Variants in TMEM132D observed in about 807,000 individuals in gnomAD.
TMEM132D encodes mature OL transmembrane protein.
TMEM132D carries 21 observed loss-of-function variants against 62.3 expected under a neutral mutation model. The observed-to-expected ratio is 0.34, with a 90% confidence interval of 0.24 to 0.49. TMEM132D has a LOEUF of 0.49. Among genes scored for constraint, TMEM132D ranks in the 20% least tolerant of loss-of-function variants. The probability of loss-of-function intolerance (pLI) is 0.99; values close to 1 mark genes in which losing one functional copy is unlikely to be tolerated. For synonymous variants in TMEM132D, 621 were observed against 575.6 expected (o/e 1.08, Z -1.13); for missense variants, 1,346 against 1,402.8 (o/e 0.96, Z 0.65).
chr12:129,793,107 TCTCA>T (rs901997822), intron 1 of TMEM132D, among the ~76,000 whole-genome samples: 10 of 150,880 alleles, frequency 6.6e-5, no homozygotes, highest in Non-Finnish European at 1.3e-4. Flanking sequence ...AGAGACAGGG[TCTCA>T]CTGTGTTGTC....
chr12:129,364,600 G>A (rs1371955859), intron 3 of TMEM132D, among the ~76,000 whole-genome samples: 2 of 152,180 alleles, frequency 1.3e-5, no homozygotes, highest in Non-Finnish European at 2.9e-5. Context: ...GCTATTCCCA[G>A]GAAAGTTAGT....
At chr12:129,522,900 CAGATTAGATATATATGTAGACAT>C (rs1374326368) in intron 3 of TMEM132D, 2 of 151,222 alleles carry the variant, frequency 1.3e-5, no homozygotes, top group African/African-American at 4.9e-5. Context: ...TATGTAGACA[CAGATTAGATATATATGTAGACAT>C]AGATTAGATA....
At chr12:129,682,881 A>AG (rs1198299619) in intron 2 of TMEM132D, 1 of 150,182 alleles carries the variant, frequency 6.7e-6, no homozygotes, top group Non-Finnish European at 1.5e-5. Flanking sequence ...AAAAAAAAAA[A>AG]AGAGACTTAC....
chr12:129,174,944 G>T (rs549102976), intron 5 of TMEM132D, among the ~76,000 whole-genome samples: 6 of 151,990 alleles, frequency 3.9e-5, no homozygotes, highest in Admixed American at 1.3e-4. Flanking sequence ...TTCTAAATTT[G>T]TTTAAGTTCC....
chr12:129,387,740 T>C (rs1436553240), intron 3 of TMEM132D, among the ~76,000 whole-genome samples: 3 of 151,982 alleles, frequency 2.0e-5, no homozygotes, highest in Non-Finnish European at 4.4e-5. Flanking sequence ...CGAATCCTAA[T>C]ATAAACACTA....
intron 1 of TMEM132D, among the ~76,000 whole-genome samples, chr12:129,757,754 A>G (rs1450046390): frequency 2.0e-5 from 3 of 152,200 alleles, no homozygotes; most frequent in African/African-American, 4.8e-5. Context: ...TTTAATGCAA[A>G]TATAATCATG....
At chr12:129,651,825 G>A (rs1879935458) in intron 2 of TMEM132D, among the ~76,000 whole-genome samples, 1 of 152,158 alleles carries the variant, frequency 6.6e-6, no homozygotes, top group African/African-American at 2.4e-5. Context: ...TATACAGTAG[G>A]AACTCTGCAA....
chr12:129,413,254 T>C (rs764942459), intron 3 of TMEM132D, among the ~76,000 whole-genome samples: 77 of 152,182 alleles, frequency 5.1e-4, no homozygotes, highest in African/African-American at 1.4e-3. Flanking sequence ...CCCCATACTA[T>C]TCTTGTGGTA....
chr12:129,185,123 T>G (rs1396867356), intron 5 of TMEM132D, among the ~76,000 whole-genome samples: 2 of 152,204 alleles, frequency 1.3e-5, no homozygotes, highest in Non-Finnish European at 2.9e-5. Flanking sequence ...GCTGCTGAAC[T>G]GAAAGGTTAG....
chr12:129,183,591 T>G (rs114953099), intron 5 of TMEM132D, among the ~76,000 whole-genome samples: 3,569 of 152,324 alleles, frequency 0.023, 134 homozygotes, highest in African/African-American at 0.08. Context: ...GGGACTTGTT[T>G]TGTTTTTTAA....
At chr12:129,281,595 T>C (rs1379115859) in intron 4 of TMEM132D, among the ~76,000 whole-genome samples, 1 of 151,838 alleles carries the variant, frequency 6.6e-6, no homozygotes, top group East Asian at 1.9e-4. Flanking sequence ...CATAAACTCA[T>C]GGAGACCAGA....
At chr12:129,366,746 G>A (rs1181970776) in intron 3 of TMEM132D, among the ~76,000 whole-genome samples, 3 of 152,154 alleles carry the variant, frequency 2.0e-5, no homozygotes, top group African/African-American at 7.2e-5. Flanking sequence ...GGGCCAGCAT[G>A]GCTTTGAATG....
At chr12:129,095,367 T>TTTTTTA (rs1875077593) in intron 5 of TMEM132D, among the ~76,000 whole-genome samples, 1 of 146,488 alleles carries the variant, frequency 6.8e-6, no homozygotes, top group South Asian at 2.2e-4. Flanking sequence ...TTTTTTTTTT[T>TTTTTTA]GAGACGGAGT....
chr12:129,829,286 G>C lies in TMEM132D; in HGVS notation c.79+73975C>G, dbSNP rs116992110. ...GAGTTCAGTGGCTTTTCTGAAATAC[G>C]ACGGCCACAGGGAGAGGCATCACCC... On this transcript the variant is annotated intron_variant, in intron 1 of 8. Coordinates refer to ENST00000422113, the MANE Select transcript of TMEM132D (RefSeq NM_133448.3). Among the ~76,000 whole-genome samples, 765 of 152,202 alleles carry C rather than the reference G, an allele frequency of 5.0e-3. 25 individuals are homozygous for C. In the East Asian group the frequency reaches 0.054, roughly 11 times the overall value.
chr12:129,726,936 T>C (rs11060515), intron 1 of TMEM132D, among the ~76,000 whole-genome samples: 21,864 of 152,080 alleles, frequency 0.14, 1,732 homozygotes, highest in South Asian at 0.25. Context: ...ACTGTGGCTG[T>C]GTGCTGGACA....
At chr12:129,513,750 G>A (rs11060382) in intron 3 of TMEM132D, among the ~76,000 whole-genome samples, 39,058 of 150,988 alleles carry the variant, frequency 0.26, 5,024 homozygotes, top group East Asian at 0.36. Flanking sequence ...CTCTCAAAGT[G>A]CTGGGATTAC....
intron 3 of TMEM132D, among the ~76,000 whole-genome samples, chr12:129,465,147 T>G (rs1400066413): frequency 3.3e-5 from 5 of 152,188 alleles, no homozygotes; most frequent in Non-Finnish European, 7.3e-5. Context: ...TTTATTTCAT[T>G]GAGCAGTGAG....
In TMEM132D at chr12:129,747,719, TAC is replaced by T. The variant is rs555484397; in HGVS notation, c.80-47023_80-47022del. 1.6e-3 allele frequency among the ~76,000 whole-genome samples: 230 copies of T among 139,512 alleles called. 1 individual carries two copies. The highest frequency in any genetic ancestry group is 5.7e-3 in the African/African-American group (210 of 36,842). 91.5% of individuals were successfully genotyped at this position (139,512 alleles called of 152,430 possible). ...GACACACTCAACACACACTCAGACA[TAC>T]ACACAGACACACACACACTTGACAC... is the stretch of plus-strand genomic sequence containing the variant. On this transcript the variant is annotated intron_variant, in intron 1 of 8. Transcript: ENST00000422113.
At chr12:129,583,931 A>T (rs1877947730) in intron 2 of TMEM132D, among the ~76,000 whole-genome samples, 2 of 152,250 alleles carry the variant, frequency 1.3e-5, no homozygotes, top group South Asian at 4.1e-4. Context: ...GAGTATTCTT[A>T]CAAATTTTCT....
Sources: allele counts gnomAD v4.1 joint callset (sites outside exome capture counted in the v4.1 genomes callset), GRCh38; gene constraint gnomAD v4.1.1; transcripts MANE v1.5; gene names NCBI Gene and HGNC (gene_info 2026-07-23, HGNC 2026-07-21).